NEGR1: variants seen among roughly 807,000 people sequenced by gnomAD.
NEGR1 encodes neuronal growth regulator 1, also known as IgLON family member 4.
NEGR1 carries 10 observed loss-of-function variants against 40.9 expected under a neutral mutation model. That is an observed-to-expected ratio of 0.24 (90% CI 0.15 to 0.42). The LOEUF is 0.42. Ranked by LOEUF, NEGR1 falls within the 10% of genes least tolerant of loss-of-function variation. The pLI, the probability that NEGR1 is intolerant of heterozygous loss-of-function variation, is 1.00. For missense variants in NEGR1, 352 were observed against 438.9 expected, an observed-to-expected ratio of 0.80 and a Z score of 1.77; for synonymous variants, 185 against 166.8, an observed-to-expected ratio of 1.11 and a Z score of -0.84.
At chr1:71,578,439 T>C (rs1203241272) in intron 6 of NEGR1, among the ~76,000 whole-genome samples, 1 of 152,064 alleles carries the variant, frequency 6.6e-6, no homozygotes, top group African/African-American at 2.4e-5. Context: ...TATGGGGTGA[T>C]TTCCAGGTCA....
At chr1:71,440,681 T>G (rs1646541361) in intron 6 of NEGR1, among the ~76,000 whole-genome samples, 1 of 152,174 alleles carries the variant, frequency 6.6e-6, no homozygotes, top group South Asian at 2.1e-4. Context: ...CAGGTCTCAC[T>G]CCAGGCTGCT....
intron 4 of NEGR1, among the ~76,000 whole-genome samples, chr1:71,695,001 T>C (rs979322755): frequency 2.0e-5 from 3 of 151,760 alleles, no homozygotes; most frequent in African/African-American, 4.8e-5. Context: ...CTGTACTCAA[T>C]TTTGGGCTTT....
chr1:72,018,714 A>G (rs1646732364), intron 1 of NEGR1, among the ~76,000 whole-genome samples: 1 of 152,186 alleles, frequency 6.6e-6, no homozygotes, highest in African/African-American at 2.4e-5. Context: ...TCTAGGGGCA[A>G]GCATTCCAGC....
At chr1:72,028,975 G>A (rs1646834859) in intron 1 of NEGR1, among the ~76,000 whole-genome samples, 1 of 152,090 alleles carries the variant, frequency 6.6e-6, no homozygotes, top group Non-Finnish European at 1.5e-5. Context: ...TTGTAAAAAT[G>A]AAAATTTAAG....
chr1:72,020,031 G>T (rs1328219540), intron 1 of NEGR1, among the ~76,000 whole-genome samples: 1 of 152,124 alleles, frequency 6.6e-6, no homozygotes, highest in Non-Finnish European at 1.5e-5. Context: ...ATTAAAAGGT[G>T]GGTGGGTTAC....
At chr1:71,678,305 G>A (rs1378049968) in intron 4 of NEGR1, among the ~76,000 whole-genome samples, 1 of 152,120 alleles carries the variant, frequency 6.6e-6, no homozygotes, top group Non-Finnish European at 1.5e-5. Context: ...ATGAACATAT[G>A]TAAACTGAAT....
At chr1:72,178,149 T>G (rs1652242539) in intron 1 of NEGR1, among the ~76,000 whole-genome samples, 1 of 152,094 alleles carries the variant, frequency 6.6e-6, no homozygotes, top group Non-Finnish European at 1.5e-5. Context: ...GTTCTTTTTT[T>G]TTAGCAGGAT....
At chr1:71,934,520 G>C (rs1401449738) in intron 2 of NEGR1, among the ~76,000 whole-genome samples, 1 of 152,118 alleles carries the variant, frequency 6.6e-6, no homozygotes, top group Non-Finnish European at 1.5e-5. Flanking sequence ...ACAGAGGTTG[G>C]ATTGAGACAG....
At chr1:72,132,809 T>C (rs1029485803) in intron 1 of NEGR1, among the ~76,000 whole-genome samples, 4 of 152,128 alleles carry the variant, frequency 2.6e-5, no homozygotes, top group Admixed American at 2.6e-4. Context: ...AAGTGCATAA[T>C]GCAAAGACTA....
intron 1 of NEGR1, among the ~76,000 whole-genome samples, chr1:71,962,061 G>T (rs376181293): frequency 1.3e-5 from 2 of 151,942 alleles, no homozygotes; most frequent in African/African-American, 4.8e-5. Context: ...TTGACTGTTG[G>T]CAAGTATAAA....
At chr1:71,611,859 G>T (rs887923077) in intron 4 of NEGR1, among the ~76,000 whole-genome samples, 2 of 152,042 alleles carry the variant, frequency 1.3e-5, no homozygotes, top group Middle Eastern at 3.2e-3. Flanking sequence ...GCTCTAGCTG[G>T]AAAAAGTTTC....
intron 1 of NEGR1, among the ~76,000 whole-genome samples, chr1:72,206,119 A>G (rs1369428652): frequency 6.6e-6 from 1 of 151,862 alleles, no homozygotes; most frequent in Non-Finnish European, 1.5e-5. Context: ...TGTGCTAAAT[A>G]TTATATTAGA....
intron 3 of NEGR1, among the ~76,000 whole-genome samples, chr1:71,734,205 T>C (rs1258369180): frequency 2.0e-5 from 3 of 152,176 alleles, no homozygotes; most frequent in African/African-American, 7.2e-5. Flanking sequence ...GGACCGGCAA[T>C]TACTGGCTGC....
chr1:71,546,364 G>T (rs1030277251), intron 6 of NEGR1, among the ~76,000 whole-genome samples: 2 of 151,680 alleles, frequency 1.3e-5, no homozygotes, highest in African/African-American at 4.8e-5. Flanking sequence ...TATACAGTGT[G>T]CTAGGGTACA....
At chr1:71,903,617 T>C (rs528202865) in intron 2 of NEGR1, among the ~76,000 whole-genome samples, 2 of 152,082 alleles carry the variant, frequency 1.3e-5, no homozygotes, top group South Asian at 4.1e-4. Context: ...TTTTGCTGTG[T>C]CCAAATAAAT....
intron 1 of NEGR1, among the ~76,000 whole-genome samples, chr1:72,144,868 C>T (rs1488309993): frequency 6.6e-6 from 1 of 152,058 alleles, no homozygotes; most frequent in Non-Finnish European, 1.5e-5. Context: ...TGCAATATCT[C>T]TCCCTTTAGA....
At chr1:71,538,274 C>G (rs779086388) in intron 6 of NEGR1, among the ~76,000 whole-genome samples, 1 of 151,488 alleles carries the variant, frequency 6.6e-6, no homozygotes, top group African/African-American at 2.4e-5. Context: ...TCTGCACACA[C>G]GATATATTAT....
chr1:71,985,039 G>A (rs1646383127), intron 1 of NEGR1, among the ~76,000 whole-genome samples: 1 of 152,034 alleles, frequency 6.6e-6, no homozygotes, highest in African/African-American at 2.4e-5. Flanking sequence ...AATCATCCAC[G>A]ATTACCCAGC....
At chr1:71,451,854 A>C (rs546384897) in intron 6 of NEGR1, among the ~76,000 whole-genome samples, 1 of 152,336 alleles carries the variant, frequency 6.6e-6, no homozygotes, top group African/African-American at 2.4e-5. Flanking sequence ...CATATTCCTG[A>C]AAACAATGAA....
Sources: gnomAD v4.1 joint callset for allele counts (sites outside exome capture counted in the v4.1 genomes callset) on GRCh38, gnomAD v4.1.1 for gene constraint, MANE v1.5 for transcripts, NCBI Gene and HGNC (gene_info 2026-07-23, HGNC 2026-07-21) for gene names.